COP1: variants seen among roughly 807,000 people sequenced by gnomAD.
The protein encoded by COP1 is E3 ubiquitin-protein ligase COP1.
Under a neutral mutation model 101.3 loss-of-function variants are expected in COP1, and 24 were observed. The ratio of observed to expected loss-of-function variants is 0.24; its 90% CI spans 0.17 to 0.33. COP1 has a LOEUF of 0.33. COP1 is among the 10% of genes least tolerant of loss of function. The pLI, the probability that COP1 is intolerant of heterozygous loss-of-function variation, is 1.00. For missense variants in COP1, 663 were observed against 906.2 expected (o/e 0.73, Z 3.45); for synonymous variants, 347 against 341.9 (o/e 1.01, Z -0.17).
intron 9 of COP1, among the ~76,000 whole-genome samples, chr1:176,089,314 C>CAACAA (rs1183930992): frequency 6.6e-6 from 1 of 151,614 alleles, no homozygotes; most frequent in African/African-American, 2.4e-5. Flanking sequence ...ACAACAACAA[C>CAACAA]AACAACAACA....
intron 11 of COP1, among the ~76,000 whole-genome samples, chr1:176,064,295 G>T (rs1314611091): frequency 6.6e-6 from 1 of 151,928 alleles, no homozygotes; most frequent in African/African-American, 2.4e-5. Flanking sequence ...CATAAATAAG[G>T]ATATATATTT....
intron 5 of COP1, among the ~76,000 whole-genome samples, chr1:176,161,414 A>G (rs1047035586): frequency 1.3e-5 from 2 of 152,018 alleles, no homozygotes; most frequent in Non-Finnish European, 2.9e-5. Flanking sequence ...ATATAGTGAG[A>G]CCTGTATCTA....
intron 9 of COP1, among the ~76,000 whole-genome samples, chr1:176,087,796 A>G (rs1680489429): frequency 1.3e-5 from 2 of 152,210 alleles, no homozygotes; most frequent in Non-Finnish European, 2.9e-5. Flanking sequence ...CTACAAAGAC[A>G]CATGCACATG....
intron 17 of COP1, 135 bp from the exon 18 acceptor site, chr1:175,987,238 G>A (rs1657342617): frequency 4.2e-6 from 2 of 475,418 alleles, no homozygotes; most frequent in Middle Eastern, 5.5e-4. Context: ...CTAGATCACA[G>A]GACTAATTAG....
Position 176,162,877 on chromosome 1 carries a change from G to A in COP1, c.754C>T (p.Leu252=). ...GTTTAGCTACCACTTACTGCTTCCA[G>A]TTGTTTCTTCTTCTGCACTAGTAAC... ...LELLVQKKKQ[L]EAESHAAQLQ... is the part of the protein sequence containing the mutation. The change falls in exon 5 of 20, where the codon CTG becomes TTG. Residue 252 remains leucine (L), a synonymous_variant. Transcript: ENST00000367669. 6.3e-7 allele frequency: 1 copy of A among 1,590,068 alleles called. No individual in the cohort carries two copies. Among genetic ancestry groups the A allele is most frequent in the East Asian group, 2.3e-5 (1 of 44,048 alleles).
At chr1:176,051,099 G>A (rs1022336436) in intron 11 of COP1, among the ~76,000 whole-genome samples, 1 of 152,184 alleles carries the variant, frequency 6.6e-6, no homozygotes, top group Non-Finnish European at 1.5e-5. Flanking sequence ...TTTATAATTA[G>A]TAGAAGAGAT....
chr1:176,084,634 T>G (rs1302435104), intron 10 of COP1, among the ~76,000 whole-genome samples: 2 of 152,182 alleles, frequency 1.3e-5, no homozygotes, highest in Admixed American at 1.3e-4. Context: ...TAAAAACTGT[T>G]TGTTGTTAAT....
At chr1:175,947,437 C>T in intron 18 of COP1, 198 bp from the exon 19 acceptor site, 1 of 462,860 alleles carries the variant, frequency 2.2e-6, no homozygotes, top group Non-Finnish European at 3.9e-6. Context: ...ATGGCGCGAT[C>T]TTGGCTCACC....
chr1:175,961,128 T>G (rs1326001114), intron 18 of COP1, among the ~76,000 whole-genome samples: 2 of 152,218 alleles, frequency 1.3e-5, no homozygotes, highest in Non-Finnish European at 2.9e-5. Flanking sequence ...TCTCAGGCCT[T>G]TAGCCTAAGA....
chr1:176,141,863 G>A (rs1558191639), intron 6 of COP1, among the ~76,000 whole-genome samples: 2 of 151,422 alleles, frequency 1.3e-5, no homozygotes, highest in South Asian at 2.1e-4. Context: ...CCCAAGTAGC[G>A]GGGACTACAG....
chr1:176,167,406 C>CTGAATGAATGAA (rs58699487), intron 3 of COP1, among the ~76,000 whole-genome samples: 1 of 150,848 alleles, frequency 6.6e-6, no homozygotes, highest in Non-Finnish European at 1.5e-5. Context: ...CTGGTATTTG[C>CTGAATGAATGAA]TGAATGAATG....
At chr1:176,046,435 A>C in intron 11 of COP1, 111 bp from the exon 12 acceptor site, 1 of 929,692 alleles carries the variant, frequency 1.1e-6, no homozygotes, top group South Asian at 1.6e-5. Context: ...TTCAAATTGT[A>C]CTAGACCTCA....
chr1:175,974,691 TA>T (rs1420775699), intron 18 of COP1, among the ~76,000 whole-genome samples: 4 of 151,826 alleles, frequency 2.6e-5, no homozygotes, highest in Admixed American at 2.0e-4. Flanking sequence ...GTAACAGAAA[TA>T]AAAAACGCTT....
chr1:176,160,123 CTG>C (rs556021173), intron 5 of COP1: 34 of 210,674 alleles, frequency 1.6e-4, no homozygotes, highest in Non-Finnish European at 3.0e-4. Flanking sequence ...AATAAGACAA[CTG>C]TGTTTCTTCA....
chr1:175,985,415 A>G (rs901100115), intron 18 of COP1, among the ~76,000 whole-genome samples: 1 of 152,262 alleles, frequency 6.6e-6, no homozygotes, highest in Non-Finnish European at 1.5e-5. Context: ...TGTGGATATT[A>G]GCAATCAAGG....
chr1:176,156,025 G>C (rs969051008), intron 5 of COP1, among the ~76,000 whole-genome samples: 2 of 152,008 alleles, frequency 1.3e-5, no homozygotes, highest in African/African-American at 4.8e-5. Flanking sequence ...AAAGGGTCTG[G>C]TGGGTTTTTG....
At chr1:176,198,563 A>T (rs888499707) in intron 1 of COP1, among the ~76,000 whole-genome samples, 1 of 152,170 alleles carries the variant, frequency 6.6e-6, no homozygotes, top group African/African-American at 2.4e-5. Flanking sequence ...TAGCTAGAAC[A>T]CAAAAATTAA....
intron 11 of COP1, among the ~76,000 whole-genome samples, chr1:176,073,782 GA>G (rs1677440981): frequency 6.6e-6 from 1 of 152,186 alleles, no homozygotes; most frequent in Non-Finnish European, 1.5e-5. Context: ...AGCAAAGGAA[GA>G]AAAATACGTT....
intron 15 of COP1, among the ~76,000 whole-genome samples, chr1:176,013,409 C>A (rs965504380): frequency 1.3e-5 from 2 of 152,090 alleles, no homozygotes; most frequent in Non-Finnish European, 1.5e-5. Flanking sequence ...TTTCCATTTG[C>A]TCTTTGTAGT....
Sources: allele counts gnomAD v4.1 joint callset (sites outside exome capture counted in the v4.1 genomes callset), GRCh38; gene constraint gnomAD v4.1.1; transcripts MANE v1.5; gene names NCBI Gene and HGNC (gene_info 2026-07-23, HGNC 2026-07-21).